Variants in CCDC146 observed in about 807,000 individuals in gnomAD.
CCDC146 encodes coiled-coil domain-containing protein 146.
CCDC146 carries 92 observed loss-of-function variants against 119.3 expected under a neutral mutation model. The observed-to-expected ratio is 0.77, with a 90% CI of 0.65 to 0.92. CCDC146 has a LOEUF of 0.92. Among genes scored for constraint, CCDC146 ranks in the 40% least tolerant of loss-of-function variants. The probability of loss-of-function intolerance (pLI) is 0.00; values close to 1 mark genes in which losing one functional copy is unlikely to be tolerated. For synonymous variants in CCDC146, 372 were observed against 371.8 expected (o/e 1.00, Z -0.01); for missense variants, 1,000 against 1,103.0 (o/e 0.91, Z 1.32).
At chr7:77,240,233 C>T (rs1035306910) in intron 3 of CCDC146, among the ~76,000 whole-genome samples, 5 of 152,182 alleles carry the variant, frequency 3.3e-5, no homozygotes, top group African/African-American at 9.6e-5. Context: ...ATGTCACATT[C>T]CCATTGAGTG....
intron 2 of CCDC146, among the ~76,000 whole-genome samples, chr7:77,213,745 A>T (rs1277231222): frequency 6.6e-6 from 1 of 152,140 alleles, no homozygotes; most frequent in Non-Finnish European, 1.5e-5. Flanking sequence ...TTCTGCATTC[A>T]TTCACCTAGG....
intron 7 of CCDC146, among the ~76,000 whole-genome samples, chr7:77,259,715 C>T (rs765698177): frequency 4.6e-5 from 7 of 152,034 alleles, no homozygotes; most frequent in African/African-American, 1.2e-4. Context: ...CTGGTCAGGA[C>T]GAGGGTTGAA....
At position 77,208,928 on chromosome 7, in the gene CCDC146, G is replaced by C. The variant is rs140176956; in HGVS notation, c.157-28019G>C. 3.2e-3 allele frequency among the ~76,000 whole-genome samples: 489 copies of C among 152,186 alleles called. 4 individuals carry two copies. The highest frequency in any genetic ancestry group is 6.0e-3 in the Non-Finnish European group (405 of 67,996). ...TTGCCCAGGCTAGTCTAGAACTCTTGGGCTGAAGGAATCCTCCTGCCTTAC... is the reference window on the plus strand; with the variant it reads ...TTGCCCAGGCTAGTCTAGAACTCTTCGGCTGAAGGAATCCTCCTGCCTTAC... On this transcript the variant is annotated intron_variant, in intron 2 of 18. Coordinates refer to ENST00000285871, the MANE Select transcript of CCDC146 (RefSeq NM_020879.3).
chr7:77,201,319 A>G (rs1444073992), intron 2 of CCDC146, among the ~76,000 whole-genome samples: 2 of 151,850 alleles, frequency 1.3e-5, no homozygotes, highest in Non-Finnish European at 2.9e-5. Flanking sequence ...AGGCATGTGG[A>G]TCACCTGAGA....
intron 1 of CCDC146, among the ~76,000 whole-genome samples, 187 bp from the exon 2 acceptor site, chr7:77,167,471 A>G (rs1394499212): frequency 3.3e-5 from 5 of 152,100 alleles, no homozygotes; most frequent in Non-Finnish European, 7.4e-5. Context: ...ATTTGAATGC[A>G]ACAATAGAGA....
intron 9 of CCDC146, among the ~76,000 whole-genome samples, chr7:77,264,408 C>G (rs1793361349): frequency 6.6e-6 from 1 of 152,146 alleles, no homozygotes; most frequent in Admixed American, 6.6e-5. Flanking sequence ...CAGGCATGTG[C>G]CACCAATACA....
At chr7:77,248,592 C>T (rs13243543) in intron 4 of CCDC146, among the ~76,000 whole-genome samples, 16,188 of 152,138 alleles carry the variant, frequency 0.11, 1,128 homozygotes, top group Non-Finnish European at 0.16. Context: ...CTTTCCATAT[C>T]GGGAAATCAT....
intron 1 of CCDC146, among the ~76,000 whole-genome samples, chr7:77,156,126 T>C (rs910787876): frequency 6.6e-6 from 1 of 152,188 alleles, no homozygotes; most frequent in Non-Finnish European, 1.5e-5. Context: ...TTCTCCACCA[T>C]CATGTTGCAA....
chr7:77,260,698 C>T (rs1793277571), intron 8 of CCDC146, among the ~76,000 whole-genome samples: 1 of 152,216 alleles, frequency 6.6e-6, no homozygotes. Context: ...ACGATCTTGG[C>T]TCACTGCAAC....
chr7:77,125,436 AGTT>A (rs1408240791), intron 1 of CCDC146, among the ~76,000 whole-genome samples: 1 of 151,818 alleles, frequency 6.6e-6, no homozygotes, highest in Admixed American at 6.6e-5. Context: ...ACTTGATAAC[AGTT>A]GTTATCTTTA....
chr7:77,262,903 C>G (rs1793328391), intron 9 of CCDC146, among the ~76,000 whole-genome samples: 1 of 152,186 alleles, frequency 6.6e-6, no homozygotes, highest in South Asian at 2.1e-4. Context: ...AGAGGGCACT[C>G]CCTGTGGTAA....
chr7:77,290,346 T>G (rs1050628855), intron 17 of CCDC146, among the ~76,000 whole-genome samples: 2 of 151,838 alleles, frequency 1.3e-5, no homozygotes, highest in Non-Finnish European at 1.5e-5. Flanking sequence ...CTGCACGTTG[T>G]GCACATGTAC....
At chr7:77,211,441 A>G (rs746089991) in intron 2 of CCDC146, among the ~76,000 whole-genome samples, 6 of 152,176 alleles carry the variant, frequency 3.9e-5, no homozygotes, top group African/African-American at 9.6e-5. Flanking sequence ...TGTATTTCCA[A>G]TTGACATTAG....
chr7:77,162,075 A>G (rs1441180870), intron 1 of CCDC146, among the ~76,000 whole-genome samples: 5 of 152,088 alleles, frequency 3.3e-5, no homozygotes, highest in Non-Finnish European at 7.4e-5. Context: ...ATAGTTTGCA[A>G]ATATTTCCTC....
intron 2 of CCDC146, among the ~76,000 whole-genome samples, chr7:77,217,039 A>G (rs1792314083): frequency 1.3e-5 from 2 of 152,108 alleles, no homozygotes; most frequent in African/African-American, 2.4e-5. Flanking sequence ...ATATTTTACT[A>G]TAATTTTAAA....
chr7:77,186,075 C>G (rs1562826112), intron 2 of CCDC146, among the ~76,000 whole-genome samples: 1 of 152,154 alleles, frequency 6.6e-6, no homozygotes, highest in Non-Finnish European at 1.5e-5. Flanking sequence ...CTATGGAGAA[C>G]AGTTTCCAGG....
rs1438981276 is a variant in CCDC146, at chr7:77,259,067, G to C, written c.757G>C (p.Val253Leu). 1 of 1,586,514 alleles carries C rather than the reference G, an allele frequency of 6.3e-7. No individual in the cohort carries two copies. The highest frequency in any genetic ancestry group is 1.3e-5 in the African/African-American group (1 of 74,382). Reference sequence around the variant, plus strand: ...GATAGAAAAAATAACACGCAAAAAAGTGTATGATTTAATATTTTTACTTTG... The same window carrying C: ...GATAGAAAAAATAACACGCAAAAAACTGTATGATTTAATATTTTTACTTTG... ...KEIEKITRKK[V>L]EMEKKKIVLE... The change falls in exon 7 of 19, where the codon GTA becomes CTA. Residue 253 changes from valine (V) to leucine (L), a missense_variant and splice_region_variant. This residue lies in a region of CCDC146 where 985 missense variants were observed against 1,045.3 expected (regional missense o/e 0.94). Coordinates refer to ENST00000285871, the MANE Select transcript of CCDC146 (RefSeq NM_020879.3).
intron 2 of CCDC146, among the ~76,000 whole-genome samples, chr7:77,188,765 G>A (rs928269226): frequency 5.3e-5 from 8 of 152,146 alleles, no homozygotes; most frequent in African/African-American, 1.9e-4. Flanking sequence ...CAAAAATACC[G>A]TTGTTGACAG....
chr7:77,215,731 C>T (rs887842914), intron 2 of CCDC146, among the ~76,000 whole-genome samples: 1 of 151,838 alleles, frequency 6.6e-6, no homozygotes, highest in Non-Finnish European at 1.5e-5. Context: ...GACTTTATCC[C>T]ACAGTTTACA....
Sources: gnomAD v4.1 joint callset for allele counts (sites outside exome capture counted in the v4.1 genomes callset) on GRCh38, gnomAD v4.1.1 for gene constraint, gnomAD v4.1.1 regional missense constraint, MANE v1.5 for transcripts, NCBI Gene and HGNC (gene_info 2026-07-23, HGNC 2026-07-21) for gene names.